The following BAZ1B variants were observed in gnomAD, a reference collection of about 807,000 sequenced individuals.
BAZ1B encodes the protein bromodomain adjacent to zinc finger domain 1B.
Under a neutral mutation model 153.8 loss-of-function variants are expected in BAZ1B, and 22 were observed. The observed-to-expected ratio is 0.14, with a 90% CI of 0.10 to 0.20. BAZ1B has a LOEUF of 0.20. BAZ1B is among the 10% of genes least tolerant of loss of function. The pLI, the probability that BAZ1B is intolerant of heterozygous loss-of-function variation, is 1.00. For missense variants in BAZ1B, 1,325 were observed against 1,799.3 expected (o/e 0.74, Z 4.77); for synonymous variants, 676 against 633.4 (o/e 1.07, Z -1.01).
At chr7:73,479,111 T>C (rs1056277557) in intron 6 of BAZ1B, among the ~76,000 whole-genome samples, 3 of 152,188 alleles carry the variant, frequency 2.0e-5, no homozygotes, top group East Asian at 1.9e-4. Flanking sequence ...CATTTTCTTA[T>C]AGAAGCATCA....
intron 1 of BAZ1B, among the ~76,000 whole-genome samples, chr7:73,518,370 G>A (rs1039415572): frequency 6.6e-6 from 1 of 151,518 alleles, no homozygotes; most frequent in Admixed American, 6.6e-5. Context: ...CCTAGATCGC[G>A]CCACTGCACT....
At position 73,522,139 on chromosome 7, in the gene BAZ1B, C is replaced by T. The variant is rs1339717156; in HGVS notation, c.-206G>A. The T allele has an allele frequency of 5.0e-6, 2 of 401,388 alleles. No individual in the cohort carries two copies. The highest frequency in any genetic ancestry group is 8.7e-6 in the Non-Finnish European group (2 of 229,476). 24.9% of individuals were successfully genotyped at this position (401,388 alleles called of 1,614,324 possible). Reference sequence around the variant, plus strand: ...GGAACGCCACGGCGCAGAGCTCCCGCGCACACCGCCGCGCCTCCCAGCAGC... The same window carrying T: ...GGAACGCCACGGCGCAGAGCTCCCGTGCACACCGCCGCGCCTCCCAGCAGC... On this transcript the variant is annotated 5_prime_UTR_variant, in exon 1 of 20. Coordinates refer to ENST00000339594, the MANE Select transcript of BAZ1B (RefSeq NM_032408.4).
chr7:73,506,507 A>G (rs1790347631), intron 3 of BAZ1B, among the ~76,000 whole-genome samples: 1 of 149,924 alleles, frequency 6.7e-6, no homozygotes, highest in Non-Finnish European at 1.5e-5. Flanking sequence ...TTAAAAAAAA[A>G]AAAAAATTTA....
At chr7:73,485,079 C>T (rs1554574296) in intron 6 of BAZ1B, among the ~76,000 whole-genome samples, 1 of 152,008 alleles carries the variant, frequency 6.6e-6, no homozygotes, top group African/African-American at 2.4e-5. Context: ...ACTGTAGTTA[C>T]GTTGGAAAAT....
intron 1 of BAZ1B, among the ~76,000 whole-genome samples, chr7:73,520,783 G>C (rs781982061): frequency 6.6e-6 from 1 of 152,194 alleles, no homozygotes; most frequent in Non-Finnish European, 1.5e-5. Context: ...CTATACAGAA[G>C]CAAGCAAGAA....
intron 12 of BAZ1B, among the ~76,000 whole-genome samples, chr7:73,460,320 G>A (rs1445325386): frequency 6.6e-6 from 1 of 151,726 alleles, no homozygotes; most frequent in Non-Finnish European, 1.5e-5. Flanking sequence ...TAATGACTGA[G>A]TGCCTACTAT....
chr7:73,445,637 A>G (rs560956474), intron 16 of BAZ1B, among the ~76,000 whole-genome samples: 79 of 151,888 alleles, frequency 5.2e-4, no homozygotes, highest in African/African-American at 1.8e-3. Context: ...TCGGGAGGCC[A>G]AGGCAGGAGG....
intron 13 of BAZ1B, among the ~76,000 whole-genome samples, chr7:73,454,161 A>AATAT (rs2116252850): frequency 6.6e-6 from 1 of 151,336 alleles, no homozygotes; most frequent in East Asian, 2.0e-4. Flanking sequence ...TAAATAAATA[A>AATAT]ATAAAAATTT....
chr7:73,448,218 C>T (rs1554567056), intron 15 of BAZ1B, among the ~76,000 whole-genome samples: 1 of 152,162 alleles, frequency 6.6e-6, no homozygotes, highest in Non-Finnish European at 1.5e-5. Flanking sequence ...GCAGCAGAAT[C>T]GCTTGAACCT....
intron 17 of BAZ1B, 37 bp from the exon 18 acceptor site, chr7:73,442,865 A>C: frequency 6.7e-7 from 1 of 1,494,558 alleles, no homozygotes; most frequent in Non-Finnish European, 9.3e-7. Context: ...TTACAGATTC[A>C]AGACAGGAGG....
At chr7:73,494,608 G>C (rs782423079) in intron 4 of BAZ1B, among the ~76,000 whole-genome samples, 2 of 151,932 alleles carry the variant, frequency 1.3e-5, no homozygotes, top group Non-Finnish European at 2.9e-5. Context: ...AATTAGAAAG[G>C]TGTTGTGATG....
chr7:73,460,097 G>A (rs1788340151), intron 12 of BAZ1B, among the ~76,000 whole-genome samples: 1 of 150,360 alleles, frequency 6.7e-6, no homozygotes, highest in East Asian at 2.0e-4. Context: ...CGGGAAGCAG[G>A]AGAATCACTT....
intron 1 of BAZ1B, among the ~76,000 whole-genome samples, chr7:73,511,127 G>A (rs1790560723): frequency 6.6e-6 from 1 of 151,952 alleles, no homozygotes; most frequent in African/African-American, 2.4e-5. Context: ...AATTAGCTGT[G>A]AGTGGTTGTG....
At chr7:73,462,592 AC>A (rs1216153076) in intron 12 of BAZ1B, 24 of 305,752 alleles carry the variant, frequency 7.8e-5, no homozygotes, top group African/African-American at 4.7e-4. Flanking sequence ...CATGTTTCAC[AC>A]CTGAAAGCAC....
intron 5 of BAZ1B, among the ~76,000 whole-genome samples, chr7:73,492,489 G>A (rs1198289774): frequency 6.6e-6 from 1 of 152,106 alleles, no homozygotes; most frequent in Non-Finnish European, 1.5e-5. Context: ...ACTGGGAAGA[G>A]TGATTTCCTT....
At position 73,489,325 on chromosome 7, in the gene BAZ1B, G is replaced by T; in HGVS notation, c.760C>A (p.Arg254=). 2.5e-6 allele frequency: 4 copies of T among 1,614,066 alleles called. No individual in the cohort carries two copies. Among genetic ancestry groups the T allele is most frequent in the Non-Finnish European group, 3.4e-6 (4 of 1,180,020 alleles). Residue 254 remains arginine, a synonymous_variant, in exon 6 of 20, where the codon CGA becomes AGA. Coordinates refer to ENST00000339594, the MANE Select transcript of BAZ1B (RefSeq NM_032408.4). ...AATGCATTATGCCGTATAAAGTATCGAACTATCTCCTTATTTGGTGGGCGC... is the reference window on the plus strand; with the variant it reads ...AATGCATTATGCCGTATAAAGTATCTAACTATCTCCTTATTTGGTGGGCGC... The part of the protein sequence containing the change: ...TERPPNKEIV[R]YFIRHNALRA...
chr7:73,472,926 A>C (rs1472793857), intron 7 of BAZ1B, among the ~76,000 whole-genome samples: 2 of 148,866 alleles, frequency 1.3e-5, no homozygotes, highest in African/African-American at 5.0e-5. Context: ...TACAGGCACC[A>C]CCACACCCAG....
In BAZ1B at chr7:73,477,190, G is replaced by A. The variant is rs563453618; in HGVS notation, c.2271C>T (p.Leu757=). The change falls in exon 7 of 20, where the codon CTC becomes CTT. Residue 757 remains leucine (L), a synonymous_variant. Transcript: ENST00000339594. The surrounding 1 kb of genome is among the most constrained non-coding windows in gnomAD (Gnocchi z 5.6). Reference sequence around the variant, plus strand: ...TGTGGTCTTGCACTGAGTATGTCATGAGGATCCGGTGGCACAGTGCTGTCA... The same window carrying A: ...TGTGGTCTTGCACTGAGTATGTCATAAGGATCCGGTGGCACAGTGCTGTCA... The part of the protein sequence containing the change: ...QILTALCHRI[L]MTYSVQDHME... 1 of 1,614,182 alleles carries A rather than the reference G, an allele frequency of 6.2e-7. No homozygotes were observed. The highest frequency in any genetic ancestry group is 1.3e-5 in the African/African-American group (1 of 75,036).
intron 17 of BAZ1B, 104 bp downstream of exon 17, chr7:73,443,880 A>T: frequency 6.5e-7 from 1 of 1,546,710 alleles, no homozygotes; most frequent in Non-Finnish European, 8.8e-7. Context: ...AAGAAGGAGG[A>T]GGGGGGAGGC....
Sources: gnomAD v4.1 joint callset for allele counts (sites outside exome capture counted in the v4.1 genomes callset) on GRCh38, gnomAD v4.1.1 for gene constraint, Gnocchi (gnomAD v3.1) non-coding constraint, MANE v1.5 for transcripts, NCBI Gene and HGNC (gene_info 2026-07-23, HGNC 2026-07-21) for gene names.